Variants in FRMPD3 observed in about 807,000 individuals in gnomAD.
FRMPD3 encodes FERM and PDZ domain-containing protein 3.
Under a neutral mutation model 97.9 loss-of-function variants are expected in FRMPD3, and 42 were observed. That is an observed-to-expected ratio of 0.43 (90% confidence interval 0.34 to 0.55). The LOEUF is 0.55. Ranked by LOEUF, FRMPD3 falls within the 20% of genes least tolerant of loss-of-function variation. The pLI, the probability that FRMPD3 is intolerant of heterozygous loss-of-function variation, is 0.03. For missense variants in FRMPD3, 1,303 were observed against 1,457.7 expected, an observed-to-expected ratio of 0.89 and a Z score of 1.73; for synonymous variants, 577 against 581.1, an observed-to-expected ratio of 0.99 and a Z score of 0.10.
intron 1 of FRMPD3, among the ~76,000 whole-genome samples, chrX:107,516,577 G>A (rs1412450963): frequency 8.9e-6 from 1 of 111,868 alleles, no homozygotes; most frequent in Non-Finnish European, 1.9e-5. Context: ...TCGAACTGGT[G>A]TGAGATGGTA....
At chrX:107,517,510 G>A (rs1389027343) in intron 1 of FRMPD3, among the ~76,000 whole-genome samples, 2 of 111,137 alleles carry the variant, frequency 1.8e-5, no homozygotes, top group Non-Finnish European at 3.8e-5. Context: ...CTGTAATCCC[G>A]GCACTTTGGG....
Position 107,487,917 on chromosome X carries a change from T to C in FRMPD3, c.-8+37912T>C, listed in dbSNP as rs1298495846. The stretch of plus-strand genomic sequence containing the variant: ...AGGCTTAGGAGTGACAAAAGGATTT[T>C]CCTCGCAGCAGCACAAACAACTGAA... On this transcript the variant is annotated intron_variant, in intron 1 of 14. Transcript: ENST00000683843. 3.6e-5 allele frequency among the ~76,000 whole-genome samples: 4 copies of C among 112,099 alleles called. No homozygotes were observed. The East Asian group carries it at 1.1e-3, about 31-fold the overall frequency.
Position 107,601,277 on chromosome X carries a change from GAGGTGGC to G in FRMPD3, c.3242_3248del (p.Val1081AlafsTer91). Reference sequence around the variant, plus strand: ...GTCAGTGGGCAAGCAAGCTACAGGGGAGGTGGCAGGCAAAGGCGGGCCAGTGGGTGGT... The same window carrying G: ...GTCAGTGGGCAAGCAAGCTACAGGGGAGGCAAAGGCGGGCCAGTGGGTGGT... On this transcript the variant is annotated frameshift_variant, in exon 15 of 15. Transcript: ENST00000683843. LOFTEE classifies it high-confidence loss of function. The G allele has an allele frequency of 8.3e-7, 1 of 1,209,533 alleles. No homozygotes were observed. Among genetic ancestry groups the G allele is most frequent in the Non-Finnish European group, 1.1e-6 (1 of 894,154 alleles).
intron 1 of FRMPD3, among the ~76,000 whole-genome samples, chrX:107,466,223 G>T (rs1489276641): frequency 8.9e-6 from 1 of 112,412 alleles, no homozygotes; most frequent in Non-Finnish European, 1.9e-5. Flanking sequence ...TTGTTTTGTG[G>T]GGAGGTTGTG....
intron 1 of FRMPD3, among the ~76,000 whole-genome samples, chrX:107,493,504 A>G (rs943617356): frequency 1.5e-4 from 17 of 112,035 alleles, no homozygotes; most frequent in Middle Eastern, 4.2e-3. Context: ...GCTGTAGAAC[A>G]TTAGAAAGGC....
At chrX:107,560,114 C>A in intron 8 of FRMPD3, 143 bp from the exon 9 acceptor site, 1 of 690,523 alleles carries the variant, frequency 1.4e-6, no homozygotes, top group Admixed American at 2.8e-5. Context: ...GTCTCTTCTC[C>A]AAGGGGAGCT....
chrX:107,457,917 T>C (rs939558260), intron 1 of FRMPD3, among the ~76,000 whole-genome samples: 1 of 111,602 alleles, frequency 9.0e-6, no homozygotes, highest in African/African-American at 3.3e-5. Flanking sequence ...ATTTATTCTC[T>C]CAAGTTAATC....
rs143879738 is a variant in FRMPD3 at position 107,480,312 on chromosome X, T to C, written c.-8+30307T>C. On this transcript the variant is annotated intron_variant, in intron 1 of 14. Coordinates refer to ENST00000683843, the MANE Select transcript of FRMPD3 (RefSeq NM_001388459.1). ...CAGTTGAGCATTGTTGATCCATTGA[T>C]AGGTAAAATGGCAAAGCTGAGCCAG... Among the ~76,000 whole-genome samples the C allele has an allele frequency of 1.2e-3, 136 of 111,303 alleles. 1 individual carries two copies. In the East Asian group the frequency reaches 0.028, roughly 23 times the overall value.
In FRMPD3 at chrX:107,453,351, C is replaced by T. The variant is rs140542932; in HGVS notation, c.-8+3346C>T. On this transcript the variant is annotated intron_variant, in intron 1 of 14. Coordinates refer to ENST00000683843, the MANE Select transcript of FRMPD3 (RefSeq NM_001388459.1). ...GGGGTTCTTGCCTTCACATATAGGC[C>T]CTAGCAATCATTGCTAGGGGGACTA... is the stretch of plus-strand genomic sequence containing the variant. Among the ~76,000 whole-genome samples the T allele has an allele frequency of 7.3e-3, 801 of 109,211 alleles. 14 individuals carry two copies. Among genetic ancestry groups the T allele is most frequent in the Non-Finnish European group, 0.012 (639 of 52,445 alleles). The allele number at this position is 109,211 out of a possible 115,157, so 94.8% of individuals were successfully genotyped here.
chrX:107,544,588 G>A (rs982185210), intron 4 of FRMPD3: 4 of 111,024 alleles, frequency 3.6e-5, no homozygotes, highest in African/African-American at 1.3e-4. Context: ...GTGGCATGTA[G>A]TAGGCCCTTG....
At chrX:107,508,783 T>A (rs1922094518) in intron 1 of FRMPD3, among the ~76,000 whole-genome samples, 1 of 111,363 alleles carries the variant, frequency 9.0e-6, no homozygotes, top group East Asian at 2.8e-4. Context: ...GAAGATGGAG[T>A]GTTCTGCATG....
intron 13 of FRMPD3, among the ~76,000 whole-genome samples, chrX:107,588,599 T>C (rs1476121740): frequency 8.9e-6 from 1 of 112,050 alleles, no homozygotes; most frequent in African/African-American, 3.2e-5. Flanking sequence ...GTTCTCTGTA[T>C]TTCCTGAATT....
intron 1 of FRMPD3, among the ~76,000 whole-genome samples, chrX:107,511,396 TC>T (rs1408165700): frequency 8.9e-6 from 1 of 112,312 alleles, no homozygotes; most frequent in African/African-American, 3.2e-5. Context: ...CTAGAAAGCT[TC>T]CCCCTGCTGC....
intron 1 of FRMPD3, among the ~76,000 whole-genome samples, chrX:107,476,134 C>T (rs780752587): frequency 8.9e-6 from 1 of 112,332 alleles, no homozygotes; most frequent in African/African-American, 3.2e-5. Flanking sequence ...ATCTGCCCAC[C>T]TCGGCCTCCC....
intron 4 of FRMPD3, among the ~76,000 whole-genome samples, chrX:107,541,899 T>C (rs1340870847): frequency 8.9e-6 from 1 of 112,437 alleles, no homozygotes; most frequent in African/African-American, 3.2e-5. Context: ...GGGTAAAGTA[T>C]ATCCTCTTCC....
intron 2 of FRMPD3, among the ~76,000 whole-genome samples, chrX:107,528,866 C>T (rs763846634): frequency 8.8e-6 from 1 of 113,041 alleles, no homozygotes; most frequent in Admixed American, 9.3e-5. Flanking sequence ...AATTGCTCCT[C>T]GAGCAATGAA....
rs1326208709 is a variant in FRMPD3, at chrX:107,566,295, A to G, written c.1296+1229A>G. 3.5e-5 allele frequency among the ~76,000 whole-genome samples: 4 copies of G among 113,177 alleles called. No homozygotes were observed. In the East Asian group the frequency reaches 8.3e-4, roughly 23 times the overall value. On this transcript the variant is annotated intron_variant, in intron 12 of 14. Transcript: ENST00000683843. ...AAGAGGTGGAGTGTTTGCTGTTTCTAAAAGAGAAAATTATTTGCTTTATTT... is the reference window on the plus strand; with the variant it reads ...AAGAGGTGGAGTGTTTGCTGTTTCTGAAAGAGAAAATTATTTGCTTTATTT...
Position 107,512,152 on chromosome X carries a change from C to T in FRMPD3, c.-7-14430C>T, listed in dbSNP as rs145828435. 5.8e-3 allele frequency among the ~76,000 whole-genome samples: 645 copies of T among 110,811 alleles called. 5 individuals are homozygous for T. Among genetic ancestry groups the T allele is most frequent in the African/African-American group, 0.02 (597 of 30,419 alleles). ...GGTGTCCTGGGTCTCTTCCTCATGC[C>T]GTTTCTGATTTGCCCCTTGCCTGCT... On this transcript the variant is annotated intron_variant, in intron 1 of 14. Coordinates refer to ENST00000683843, the MANE Select transcript of FRMPD3 (RefSeq NM_001388459.1).
intron 6 of FRMPD3, among the ~76,000 whole-genome samples, chrX:107,550,943 G>A (rs1388714346): frequency 1.8e-5 from 2 of 111,921 alleles, no homozygotes; most frequent in Non-Finnish European, 3.8e-5. Flanking sequence ...CAGGTACCCT[G>A]TGGTTCCCAT....
Sources: allele counts gnomAD v4.1 joint callset (sites outside exome capture counted in the v4.1 genomes callset), GRCh38; gene constraint gnomAD v4.1.1; transcripts MANE v1.5; gene names NCBI Gene and HGNC (gene_info 2026-07-23, HGNC 2026-07-21).